HMCN1: variants seen among roughly 807,000 people sequenced by gnomAD.
The protein encoded by HMCN1 is hemicentin 1.
In HMCN1, 321 loss-of-function variants were observed where a neutral mutation model predicts 625.9. The observed-to-expected ratio is 0.51, with a 90% CI of 0.47 to 0.56. The LOEUF is 0.56. Ranked by LOEUF, HMCN1 falls within the 20% of genes least tolerant of loss-of-function variation. The probability of loss-of-function intolerance (pLI) is 0.00; values close to 1 mark genes in which losing one functional copy is unlikely to be tolerated. For missense variants in HMCN1, 6,588 were observed against 6,887.3 expected, an observed-to-expected ratio of 0.96 and a Z score of 1.54; for synonymous variants, 2,425 against 2,417.6, an observed-to-expected ratio of 1.00 and a Z score of -0.09.
chr1:185,848,837 C>G (rs1042692701), intron 2 of HMCN1, among the ~76,000 whole-genome samples: 1 of 152,100 alleles, frequency 6.6e-6, no homozygotes, highest in Non-Finnish European at 1.5e-5. Flanking sequence ...TTCTAAATAC[C>G]TTTTAAATCA....
At position 185,923,405 on chromosome 1, in the gene HMCN1, T is replaced by C. The variant is rs1275487580; in HGVS notation, c.1037T>C (p.Val346Ala). ...TCTCTTGTAGGAATACCTACCTATG[T>C]ACTGCTCAATACTTCTGGAATTTCC... ...SRPVQGIPTY[V>A]LLNTSGISTP... Residue 346 changes from valine (V) to alanine (A), a missense_variant, in exon 8 of 107, where the codon GTA becomes GCA. Physicochemically the swap from Val to Ala is moderately conservative, Grantham distance 64. This residue lies in a region of HMCN1 where 4,628 missense variants were observed against 4,853.1 expected (regional missense o/e 0.95). Coordinates refer to ENST00000271588, the MANE Select transcript of HMCN1 (RefSeq NM_031935.3). 3 of 1,609,854 alleles carry C rather than the reference T, an allele frequency of 1.9e-6. No individual in the cohort carries two copies. In the Admixed American group the frequency reaches 5.0e-5, roughly 27 times the overall value.
chr1:186,186,207 G>A (rs1167047393), intron 105 of HMCN1, among the ~76,000 whole-genome samples: 1 of 152,106 alleles, frequency 6.6e-6, no homozygotes, highest in Non-Finnish European at 1.5e-5. Context: ...TGATTTTTCT[G>A]TTCAAACAAA....
chr1:186,099,953 C>G (rs116824399), intron 68 of HMCN1, among the ~76,000 whole-genome samples: 1 of 152,006 alleles, frequency 6.6e-6, no homozygotes, highest in Non-Finnish European at 1.5e-5. Flanking sequence ...AGCCAGATTT[C>G]GTTTCCAAAA....
chr1:186,110,974 A>ATTTTTTTTT (rs778503338), intron 71 of HMCN1, among the ~76,000 whole-genome samples: 3 of 59,946 alleles, frequency 5.0e-5, no homozygotes, highest in East Asian at 5.6e-4. Flanking sequence ...ACCAGAGAAA[A>ATTTTTTTTT]TTCTTTTTTT....
At chr1:186,126,050 T>A (rs1180662136) in intron 82 of HMCN1, among the ~76,000 whole-genome samples, 1 of 152,088 alleles carries the variant, frequency 6.6e-6, no homozygotes, top group Non-Finnish European at 1.5e-5. Context: ...TCAGGAAAAA[T>A]TTTAAGTGCC....
chr1:185,886,641 A>G (rs1664670082), intron 4 of HMCN1, among the ~76,000 whole-genome samples: 1 of 152,050 alleles, frequency 6.6e-6, no homozygotes, highest in Non-Finnish European at 1.5e-5. Flanking sequence ...AGTTTTACAT[A>G]TGGAATGTAT....
chr1:185,922,562 A>G lies in HMCN1; in HGVS notation c.1021+63A>G, dbSNP rs1262107032. 2.8e-6 allele frequency: 4 copies of G among 1,421,414 alleles called. No individual in the cohort carries two copies. The East Asian group carries it at 1.0e-4, about 35-fold the overall frequency. 88.1% of individuals were successfully genotyped at this position (1,421,414 alleles called of 1,614,324 possible). ...TATCCAAATGAAAAATATTTCTCAG[A>G]CTGTCTATAATTTTATAATTTTGTA... On this transcript the variant is annotated intron_variant, in intron 7 of 106. Coordinates refer to ENST00000271588, the MANE Select transcript of HMCN1 (RefSeq NM_031935.3).
rs369556274 is a variant in HMCN1 at position 186,115,250 on chromosome 1, T to G, written c.11405-8T>G. 2 of 1,613,962 alleles carry G rather than the reference T, an allele frequency of 1.2e-6. No homozygotes were observed. Among genetic ancestry groups the G allele is most frequent in the Non-Finnish European group, 1.7e-6 (2 of 1,179,884 alleles). On this transcript the variant is annotated splice_region_variant and splice_polypyrimidine_tract_variant and intron_variant, in intron 74 of 106. Transcript: ENST00000271588. ...GTGTTTCCTTCTTATTTGGTGACATTGTCTTAGTTCCTCCATCTATTGCTC... is the reference window on the plus strand; with the variant it reads ...GTGTTTCCTTCTTATTTGGTGACATGGTCTTAGTTCCTCCATCTATTGCTC...
chr1:185,891,931 A>G lies in HMCN1; in HGVS notation c.622-17406A>G, dbSNP rs1051773069. 3.5e-3 allele frequency among the ~76,000 whole-genome samples: 514 copies of G among 146,232 alleles called. 5 individuals are homozygous for G. The highest frequency in any genetic ancestry group is 0.013 in the African/African-American group (476 of 35,782). ...TTTCCAACTTGGTTCCATTCTCCCC[A>G]TCACTTTTAGGTACACCAATCAGAT... is the stretch of plus-strand genomic sequence containing the variant. On this transcript the variant is annotated intron_variant, in intron 4 of 106. Transcript: ENST00000271588.
intron 14 of HMCN1, among the ~76,000 whole-genome samples, chr1:185,968,892 G>A (rs1216430141): frequency 6.6e-6 from 1 of 152,106 alleles, no homozygotes; most frequent in African/African-American, 2.4e-5. Context: ...TAGAAATCAA[G>A]AAAGGAGAAT....
At chr1:186,027,906 G>A (rs977727876) in intron 36 of HMCN1, among the ~76,000 whole-genome samples, 8 of 152,050 alleles carry the variant, frequency 5.3e-5, no homozygotes, top group African/African-American at 1.7e-4. Flanking sequence ...TTCCTCTGTC[G>A]TTTTCTGTGT....
At chr1:186,106,777 A>G in intron 69 of HMCN1, 107 bp from the exon 70 acceptor site, 1 of 828,710 alleles carries the variant, frequency 1.2e-6, no homozygotes, top group Non-Finnish European at 2.1e-6. Flanking sequence ...GGCTTTAATT[A>G]TCTTGCTTTT....
chr1:186,182,333 C>A, intron 105 of HMCN1, 46 bp downstream of exon 105: 1 of 1,610,470 alleles, frequency 6.2e-7, no homozygotes, highest in South Asian at 1.1e-5. Context: ...TGACTAAAAA[C>A]CAACAGAGAG....
At chr1:185,996,377 A>G (rs549991491) in intron 24 of HMCN1, among the ~76,000 whole-genome samples, 4 of 152,240 alleles carry the variant, frequency 2.6e-5, no homozygotes, top group Admixed American at 2.0e-4. Flanking sequence ...CAATCAGTGA[A>G]GGCCAGCTGG....
intron 1 of HMCN1, among the ~76,000 whole-genome samples, chr1:185,784,926 A>G (rs1657455088): frequency 6.6e-6 from 1 of 152,178 alleles, no homozygotes; most frequent in Admixed American, 6.5e-5. Context: ...TCTGTCGTGG[A>G]TACATTTTGC....
At chr1:186,046,943 A>G (rs1265615081) in intron 41 of HMCN1, among the ~76,000 whole-genome samples, 1 of 152,154 alleles carries the variant, frequency 6.6e-6, no homozygotes, top group African/African-American at 2.4e-5. Context: ...TTACTGAAAG[A>G]CAGAAATTGG....
intron 1 of HMCN1, among the ~76,000 whole-genome samples, chr1:185,823,230 A>C (rs966828563): frequency 6.6e-6 from 1 of 152,146 alleles, no homozygotes; most frequent in Admixed American, 6.5e-5. Flanking sequence ...TAGATGTGAT[A>C]ATTTCTCCAG....
intron 103 of HMCN1, chr1:186,176,855 C>T: frequency 6.6e-6 from 1 of 152,358 alleles, no homozygotes; most frequent in East Asian, 1.9e-4. Context: ...TCCAGGCAGC[C>T]TCTCTGAGAG....
Position 185,990,292 on chromosome 1 carries a change from G to C in HMCN1, c.3226G>C (p.Gly1076Arg). ...TATTTTAGTAAGGCCCAGAGTGTTT[G>C]GAGATCAACGAGGACTGTCCCAGGA... ...LTVYVRPRVF[G>R]DQRGLSQDKP... Residue 1076 changes from glycine (G) to arginine (R), a missense_variant, in exon 22 of 107, where the codon GGA becomes CGA. Physicochemically the swap from Gly to Arg is moderately radical, Grantham distance 125 (BLOSUM62 -2). Coordinates refer to ENST00000271588, the MANE Select transcript of HMCN1 (RefSeq NM_031935.3). 6.2e-7 allele frequency: 1 copy of C among 1,613,932 alleles called. No individual in the cohort carries two copies. The highest frequency in any genetic ancestry group is 8.5e-7 in the Non-Finnish European group (1 of 1,179,836).
Sources: gnomAD v4.1 joint callset for allele counts (sites outside exome capture counted in the v4.1 genomes callset) on GRCh38, gnomAD v4.1.1 for gene constraint, gnomAD v4.1.1 regional missense constraint, MANE v1.5 for transcripts, NCBI Gene and HGNC (gene_info 2026-07-23, HGNC 2026-07-21) for gene names.